Variants in AK8 observed in about 807,000 individuals in gnomAD.
The protein encoded by AK8 is ATP-AMP transphosphorylase 8.
Under a neutral mutation model 54.6 loss-of-function variants are expected in AK8, and 44 were observed. The ratio of observed to expected loss-of-function variants is 0.81; its 90% confidence interval spans 0.63 to 1.04. AK8 has a LOEUF of 1.04. AK8 is among the 50% of genes least tolerant of loss of function. The pLI, the probability that AK8 is intolerant of heterozygous loss-of-function variation, is 0.00. For missense variants in AK8, 555 were observed against 613.6 expected (o/e 0.90, Z 1.01); for synonymous variants, 239 against 245.6 (o/e 0.97, Z 0.25).
At chr9:132,812,866 A>T (rs71147) in intron 10 of AK8, among the ~76,000 whole-genome samples, 12 of 79,068 alleles carry the variant, frequency 1.5e-4, no homozygotes, top group East Asian at 5.1e-4. Flanking sequence ...GACCAGACCC[A>T]CTCACTGCCC....
chr9:132,801,721 T>C (rs185299203), intron 10 of AK8, among the ~76,000 whole-genome samples: 2 of 152,356 alleles, frequency 1.3e-5, no homozygotes, highest in African/African-American at 4.8e-5. Flanking sequence ...CAAGCATGTA[T>C]GCTACAGTGC....
At chr9:132,794,790 C>T (rs1840087296) in intron 10 of AK8, among the ~76,000 whole-genome samples, 1 of 152,200 alleles carries the variant, frequency 6.6e-6, no homozygotes, top group Non-Finnish European at 1.5e-5. Flanking sequence ...AGAACATGGG[C>T]TTGGGGCATT....
At chr9:132,821,769 GTA>G (rs1302296320) in intron 9 of AK8, among the ~76,000 whole-genome samples, 1 of 102,412 alleles carries the variant, frequency 9.8e-6, no homozygotes, top group African/African-American at 4.2e-5. Context: ...ATACATATAT[GTA>G]TATGTGTATG....
rs372823306 is a variant in AK8, at chr9:132,849,680, C to T, written c.402+5177G>A. Among the ~76,000 whole-genome samples the T allele has an allele frequency of 7.2e-5, 11 of 152,332 alleles. No homozygotes were observed. In the East Asian group the frequency reaches 1.9e-3, roughly 27 times the overall value. ...TCCCATGGCTGAGGGCCATGCAGAA[C>T]AAGCTCGTGAGAACTGCTACTCCCT... On this transcript the variant is annotated intron_variant, in intron 5 of 12. Coordinates refer to ENST00000298545, the MANE Select transcript of AK8 (RefSeq NM_152572.3).
intron 5 of AK8, among the ~76,000 whole-genome samples, chr9:132,834,006 C>T (rs535465996): frequency 1.3e-5 from 2 of 152,340 alleles, no homozygotes; most frequent in Admixed American, 1.3e-4. Context: ...TGATCTGGCT[C>T]GCAGCTCCGA....
chr9:132,761,144 T>A (rs1002513079), intron 11 of AK8, among the ~76,000 whole-genome samples: 3 of 152,190 alleles, frequency 2.0e-5, no homozygotes, highest in Non-Finnish European at 4.4e-5. Flanking sequence ...TGTGGTAGAT[T>A]TCACCTGTAA....
rs1442273335 is a variant in AK8, at chr9:132,797,098, G to C, written c.980-4323C>G. On this transcript the variant is annotated intron_variant, in intron 10 of 12. Transcript: ENST00000298545. ...TCTCTGCAGGAATCAGGAAACACAG[G>C]CTCTGCAGCCAGCACTTCCTGGAAG... 2.0e-5 allele frequency among the ~76,000 whole-genome samples: 3 copies of C among 152,102 alleles called. No homozygotes were observed. The East Asian group carries it at 5.8e-4, about 29-fold the overall frequency.
chr9:132,742,518 G>A (rs1425748059), intron 11 of AK8, among the ~76,000 whole-genome samples: 1 of 152,130 alleles, frequency 6.6e-6, no homozygotes. Flanking sequence ...TCACACTCTG[G>A]GGTGACCTTT....
chr9:132,796,151 G>C (rs1198054042), intron 10 of AK8, among the ~76,000 whole-genome samples: 1 of 152,174 alleles, frequency 6.6e-6, no homozygotes, highest in Non-Finnish European at 1.5e-5. Flanking sequence ...TGGTGATCAG[G>C]CTGGGATAGG....
At chr9:132,733,886 C>T (rs1381660855) in intron 11 of AK8, among the ~76,000 whole-genome samples, 1 of 152,176 alleles carries the variant, frequency 6.6e-6, no homozygotes, top group Non-Finnish European at 1.5e-5. Flanking sequence ...GGGCACTCTA[C>T]CTGCCCCTGG....
intron 5 of AK8, among the ~76,000 whole-genome samples, chr9:132,831,030 G>A (rs1469203350): frequency 1.3e-5 from 2 of 152,226 alleles, no homozygotes; most frequent in Non-Finnish European, 2.9e-5. Context: ...CCACAATACA[G>A]TCTATCTTTT....
chr9:132,835,916 G>A (rs1190169305), intron 5 of AK8, among the ~76,000 whole-genome samples: 1 of 152,188 alleles, frequency 6.6e-6, no homozygotes, highest in South Asian at 2.1e-4. Flanking sequence ...CTGAGGTTGA[G>A]AGTTCGAGAC....
At chr9:132,815,170 G>A (rs1283483363) in intron 9 of AK8, among the ~76,000 whole-genome samples, 3 of 152,250 alleles carry the variant, frequency 2.0e-5, no homozygotes, top group Non-Finnish European at 4.4e-5. Context: ...ACACAGCAGA[G>A]GGGGTGCAGT....
At position 132,803,840 on chromosome 9, in the gene AK8, G is replaced by A. The variant is rs1282457977; in HGVS notation, c.979+10798C>T. 6.6e-6 allele frequency among the ~76,000 whole-genome samples: 1 copy of A among 152,156 alleles called. No homozygotes were observed. Among genetic ancestry groups the A allele is most frequent in the Non-Finnish European group, 1.5e-5 (1 of 68,030 alleles). ...AAGACTAATTCTCTGGGCCGGGCATGGTGGTTCACGCCTGTAATCCCAGCA... is the reference window on the plus strand; with the variant it reads ...AAGACTAATTCTCTGGGCCGGGCATAGTGGTTCACGCCTGTAATCCCAGCA... On this transcript the variant is annotated intron_variant, in intron 10 of 12. Coordinates refer to ENST00000298545, the MANE Select transcript of AK8 (RefSeq NM_152572.3). The surrounding 1 kb of genome is among the most constrained non-coding windows in gnomAD (Gnocchi z 4.4).
rs866957865 is a variant in AK8 at position 132,828,122 on chromosome 9, G to A, written c.485-38C>T. 28 of 1,542,348 alleles carry A rather than the reference G, an allele frequency of 1.8e-5. 1 individual carries two copies. In the Middle Eastern group the frequency reaches 3.5e-3, roughly 194 times the overall value. On this transcript the variant is annotated intron_variant, in intron 6 of 12. Coordinates refer to ENST00000298545, the MANE Select transcript of AK8 (RefSeq NM_152572.3). ...GAAAAGGAGCAAAACCAGGCATGTC[G>A]GGCAGCGGGTGCCACACATTTGAAT...
intron 4 of AK8, among the ~76,000 whole-genome samples, chr9:132,859,119 G>A (rs933403386): frequency 2.6e-5 from 4 of 152,242 alleles, no homozygotes; most frequent in African/African-American, 9.6e-5. Flanking sequence ...GCCAGCTGGA[G>A]ATGGAGTGGC....
At chr9:132,825,771 C>T (rs1027324719) in intron 8 of AK8, among the ~76,000 whole-genome samples, 4 of 152,100 alleles carry the variant, frequency 2.6e-5, no homozygotes, top group Admixed American at 6.5e-5. Flanking sequence ...ACCACTTCCC[C>T]GGCAAAACAG....
intron 5 of AK8, 74 bp from the exon 6 acceptor site, chr9:132,828,800 T>A: frequency 8.4e-7 from 1 of 1,195,832 alleles, no homozygotes; most frequent in Non-Finnish European, 1.2e-6. Context: ...AAAAGGAATA[T>A]AATAGCTTTA....
intron 5 of AK8, among the ~76,000 whole-genome samples, chr9:132,835,816 C>T (rs1460988620): frequency 2.0e-5 from 3 of 152,022 alleles, no homozygotes; most frequent in Non-Finnish European, 4.4e-5. Flanking sequence ...AGCGAGACCC[C>T]GCTTCTACAA....
Sources: gnomAD v4.1 joint callset for allele counts (sites outside exome capture counted in the v4.1 genomes callset) on GRCh38, gnomAD v4.1.1 for gene constraint, Gnocchi (gnomAD v3.1) non-coding constraint, MANE v1.5 for transcripts, NCBI Gene and HGNC (gene_info 2026-07-23, HGNC 2026-07-21) for gene names.